PTPN21: variants seen among roughly 807,000 people sequenced by gnomAD.
The protein encoded by PTPN21 is tyrosine-protein phosphatase non-receptor type 21.
Under a neutral mutation model 131.8 loss-of-function variants are expected in PTPN21, and 77 were observed. That is an observed-to-expected ratio of 0.58 (90% CI 0.49 to 0.71). The LOEUF (loss-of-function observed/expected upper bound fraction) is 0.71, where lower values mean the gene tolerates loss of function less well. PTPN21 is among the 30% of genes least tolerant of loss of function. The probability of loss-of-function intolerance (pLI) is 0.00; values close to 1 mark genes in which losing one functional copy is unlikely to be tolerated. For missense variants in PTPN21, 1,552 were observed against 1,527.1 expected, an observed-to-expected ratio of 1.02 and a Z score of -0.27; for synonymous variants, 715 against 621.3, an observed-to-expected ratio of 1.15 and a Z score of -2.24.
intron 18 of PTPN21, 103 bp from the exon 19 acceptor site, chr14:88,468,368 C>A: frequency 8.6e-7 from 1 of 1,162,392 alleles, no homozygotes; most frequent in Non-Finnish European, 1.2e-6. Context: ...GGGAGATGGA[C>A]AGTCTCTTTT....
At chr14:88,553,448 G>A (rs2078891030) in intron 1 of PTPN21, among the ~76,000 whole-genome samples, 1 of 152,072 alleles carries the variant, frequency 6.6e-6, no homozygotes, top group South Asian at 2.1e-4. Flanking sequence ...AATTATGAAT[G>A]TCTGAAGATA....
intron 3 of PTPN21, among the ~76,000 whole-genome samples, chr14:88,511,491 G>T (rs28493481): frequency 0.35 from 52,516 of 151,550 alleles, 9,656 homozygotes; most frequent in African/African-American, 0.48. Flanking sequence ...GCCAACATGG[G>T]GAAACCCCAT....
At chr14:88,535,910 T>A (rs2078624427) in intron 2 of PTPN21, among the ~76,000 whole-genome samples, 1 of 152,186 alleles carries the variant, frequency 6.6e-6, no homozygotes, top group Non-Finnish European at 1.5e-5. Context: ...GTTAATGGAG[T>A]TCGTTTAATT....
chr14:88,484,495 T>C (rs1446056247), intron 12 of PTPN21, among the ~76,000 whole-genome samples: 1 of 132,628 alleles, frequency 7.5e-6, no homozygotes, highest in Non-Finnish European at 1.7e-5. Flanking sequence ...AAAGTAACCC[T>C]GGGAATTCTT....
rs955522534 is a variant in PTPN21 at position 88,478,815 on chromosome 14, T to A, written c.2511+105A>T. ...GAGTGACGTGGGGGAATGAAGAACG[T>A]TAAAAGAACAAGAGGAGCTGAAAAA... On this transcript the variant is annotated intron_variant, in intron 13 of 18. Transcript: ENST00000556564. 194 of 680,948 alleles carry A rather than the reference T, an allele frequency of 2.8e-4. No homozygotes were observed. The African/African-American group carries it at 3.1e-3, about 11-fold the overall frequency. 42.2% of individuals were successfully genotyped at this position (680,948 alleles called of 1,614,324 possible). A position where few individuals can be genotyped will look rare whatever the true frequency, so the allele number is the denominator to read the frequency against.
intron 14 of PTPN21, among the ~76,000 whole-genome samples, chr14:88,472,721 C>T (rs906473009): frequency 1.1e-4 from 16 of 151,954 alleles, no homozygotes; most frequent in African/African-American, 2.4e-4. Context: ...AATTAAAAAA[C>T]GAGCCAGGTG....
Position 88,468,164 on chromosome 14 carries a change from C to G in PTPN21, c.3498G>C (p.Gln1166His). The G allele has an allele frequency of 6.2e-7, 1 of 1,613,916 alleles. No homozygotes were observed. Among genetic ancestry groups the G allele is most frequent in the Non-Finnish European group, 8.5e-7 (1 of 1,179,802 alleles). The change falls in exon 19 of 19, where the codon CAG becomes CAC. Residue 1166 changes from glutamine to histidine, a missense_variant. This residue lies in a region of PTPN21 where 316 missense variants were observed against 378.5 expected (regional missense o/e 0.83). Transcript: ENST00000556564. The stretch of plus-strand genomic sequence containing the variant: ...AGATGAGCCTGGAGCTTTTCAGGAA[C>G]TGGATGAGGACTCTGTACACAAATG... ...QYTFVYRVLI[Q>H]FLKSSRLI
chr14:88,550,332 A>C lies in PTPN21; in HGVS notation c.86T>G (p.Leu29Arg). The change falls in exon 2 of 19, where the codon CTG (leucine) becomes CGG (arginine). Residue 29 changes from leucine (L) to arginine (R), a missense_variant. Coordinates refer to ENST00000556564, the MANE Select transcript of PTPN21 (RefSeq NM_007039.4). ...SKSCLVARIQ[L>R]LNNEFVEFTL... is the part of the protein sequence containing the mutation. ...GAACTCCACAAACTCGTTATTAAGC[A>C]GTTGGATCCGGGCAACCAGGCAACT... 1 of 1,614,210 alleles carries C rather than the reference A, an allele frequency of 6.2e-7. No individual in the cohort carries two copies. Among genetic ancestry groups the C allele is most frequent in the Non-Finnish European group, 8.5e-7 (1 of 1,180,026 alleles).
intron 2 of PTPN21, among the ~76,000 whole-genome samples, chr14:88,539,859 G>C (rs1016784824): frequency 6.6e-6 from 1 of 152,110 alleles, no homozygotes; most frequent in African/African-American, 2.4e-5. Flanking sequence ...TTATCATACT[G>C]TATGGTTTAA....
At chr14:88,536,617 C>T (rs923315079) in intron 2 of PTPN21, among the ~76,000 whole-genome samples, 4 of 152,188 alleles carry the variant, frequency 2.6e-5, no homozygotes, top group Non-Finnish European at 1.5e-5. Context: ...CTTTCCTAAT[C>T]CCTAAGTCAT....
chr14:88,551,540 C>G (rs2078869452), intron 1 of PTPN21: 1 of 152,206 alleles, frequency 6.6e-6, no homozygotes, highest in African/African-American at 2.4e-5. Flanking sequence ...TCTGGACGGA[C>G]GCGCTCTAAA....
intron 2 of PTPN21, among the ~76,000 whole-genome samples, chr14:88,532,834 A>G (rs2078573049): frequency 6.6e-6 from 1 of 152,224 alleles, no homozygotes; most frequent in African/African-American, 2.4e-5. Context: ...TTACAAATAT[A>G]TGGGAGTCTG....
chr14:88,501,143 C>A lies in PTPN21; in HGVS notation c.675+138G>T. Reference sequence around the variant, plus strand: ...TGTTTTACCACAAAACTTTGGTCACCAGGACCTCAGCTTTTAAGTTTCCAG... The same window carrying A: ...TGTTTTACCACAAAACTTTGGTCACAAGGACCTCAGCTTTTAAGTTTCCAG... On this transcript the variant is annotated intron_variant, in intron 7 of 18. Transcript: ENST00000556564. 4.9e-6 allele frequency: 4 copies of A among 812,304 alleles called. No individual in the cohort carries two copies. In the South Asian group the frequency reaches 5.0e-5, roughly 10 times the overall value. 50.3% of individuals were successfully genotyped at this position (812,304 alleles called of 1,614,324 possible).
chr14:88,523,468 T>C (rs968586121), intron 2 of PTPN21, among the ~76,000 whole-genome samples: 1 of 152,130 alleles, frequency 6.6e-6, no homozygotes, highest in African/African-American at 2.4e-5. Context: ...AATGAGCATT[T>C]AGGAAAAACC....
intron 12 of PTPN21, among the ~76,000 whole-genome samples, chr14:88,484,601 C>A (rs1054529968): frequency 6.6e-6 from 1 of 152,084 alleles, no homozygotes; most frequent in Non-Finnish European, 1.5e-5. Context: ...AATTTGAGAC[C>A]AGTGGAGCAT....
chr14:88,510,631 CTGCT>C (rs2078163291), intron 3 of PTPN21, among the ~76,000 whole-genome samples: 3 of 152,192 alleles, frequency 2.0e-5, no homozygotes, highest in African/African-American at 4.8e-5. Flanking sequence ...AGGAGCCAGC[CTGCT>C]TGAGTCCCAG....
intron 4 of PTPN21, among the ~76,000 whole-genome samples, chr14:88,505,880 A>G (rs537209807): frequency 3.9e-5 from 6 of 152,358 alleles, no homozygotes; most frequent in African/African-American, 1.4e-4. Context: ...AGAAAATCTA[A>G]AGTACCTTGA....
chr14:88,505,402 T>A (rs954745772), intron 4 of PTPN21, 31 bp from the exon 5 acceptor site: 3 of 1,482,772 alleles, frequency 2.0e-6, no homozygotes, highest in Non-Finnish European at 1.9e-6. Flanking sequence ...TCACGTTAAT[T>A]ATATTTAAAT....
rs1410317334 is a variant in PTPN21 at position 88,554,790 on chromosome 14, C to T, written c.-342G>A. 1 of 151,220 alleles carries T rather than the reference C, an allele frequency of 6.6e-6. No homozygotes were observed. The highest frequency in any genetic ancestry group is 1.5e-5 in the Non-Finnish European group (1 of 67,776). The allele number at this position is 151,220 out of a possible 1,614,324, so 9.4% of individuals were successfully genotyped here. A position where few individuals can be genotyped will look rare whatever the true frequency, so the allele number is the denominator to read the frequency against. On this transcript the variant is annotated 5_prime_UTR_variant, in exon 1 of 19. Transcript: ENST00000556564. ...CGGCGCGCTCATGGGGCTCGCACGC[C>T]TCACTTCCTGTCTCCAAAAACCCGG...
Sources: allele counts gnomAD v4.1 joint callset (sites outside exome capture counted in the v4.1 genomes callset), GRCh38; gene constraint gnomAD v4.1.1; regional missense constraint gnomAD v4.1.1; transcripts MANE v1.5; gene names NCBI Gene and HGNC (gene_info 2026-07-23, HGNC 2026-07-21).